The following GRM8 variants were observed in gnomAD, a reference collection of about 807,000 sequenced individuals.
GRM8 encodes glutamate metabotropic receptor 8.
A neutral mutation model predicts 87.2 loss-of-function variants in GRM8; 47 were observed. That is an observed-to-expected ratio of 0.54 (90% CI 0.43 to 0.69). GRM8 has a LOEUF of 0.69. GRM8 is among the 30% of genes least tolerant of loss of function. The probability of loss-of-function intolerance (pLI) is 0.00; values close to 1 mark genes in which losing one functional copy is unlikely to be tolerated. For missense variants in GRM8, 1,019 were observed against 1,139.2 expected, an observed-to-expected ratio of 0.89 and a Z score of 1.52; for synonymous variants, 396 against 404.5, an observed-to-expected ratio of 0.98 and a Z score of 0.25.
intron 3 of GRM8, among the ~76,000 whole-genome samples, 173 bp from the exon 4 acceptor site, chr7:126,904,856 A>G (rs1802519300): frequency 6.6e-6 from 1 of 152,218 alleles, no homozygotes; most frequent in African/African-American, 2.4e-5. Context: ...ATATTCACCA[A>G]ATAAATGACA....
intron 3 of GRM8, among the ~76,000 whole-genome samples, chr7:126,961,757 A>G (rs1225899082): frequency 6.6e-6 from 1 of 152,204 alleles, no homozygotes; most frequent in Non-Finnish European, 1.5e-5. Context: ...TCGTGGGAGG[A>G]GAGAGAGAAG....
At chr7:126,775,850 T>A (rs1365154887) in intron 6 of GRM8, among the ~76,000 whole-genome samples, 1 of 152,038 alleles carries the variant, frequency 6.6e-6, no homozygotes, top group Non-Finnish European at 1.5e-5. Flanking sequence ...CTTAGGGACC[T>A]CTGTAATGGG....
chr7:127,235,365 G>A (rs187885590), intron 2 of GRM8, among the ~76,000 whole-genome samples: 243 of 152,318 alleles, frequency 1.6e-3, no homozygotes, highest in Middle Eastern at 6.8e-3. Context: ...ATGTTTCGAA[G>A]AGACATGACT....
chr7:126,953,789 A>G lies in GRM8; in HGVS notation c.728-49106T>C, dbSNP rs534499840. Among the ~76,000 whole-genome samples, 50 of 152,288 alleles carry G rather than the reference A, an allele frequency of 3.3e-4. 1 individual carries two copies. In the South Asian group the frequency reaches 0.01, roughly 32 times the overall value. ...TAATTAATACCTCTCTCTTCTTTGA[A>G]GAAAATGACCCAATATTGAACTCCA... On this transcript the variant is annotated intron_variant, in intron 3 of 10. Transcript: ENST00000339582.
intron 7 of GRM8, among the ~76,000 whole-genome samples, chr7:126,652,319 G>T (rs1803992696): frequency 2.0e-5 from 3 of 152,150 alleles, no homozygotes; most frequent in Admixed American, 1.3e-4. Context: ...TGAAGATAAT[G>T]TGTGATCTCA....
chr7:127,217,556 C>T (rs1022367458), intron 2 of GRM8, among the ~76,000 whole-genome samples: 12 of 152,202 alleles, frequency 7.9e-5, no homozygotes, highest in African/African-American at 2.9e-4. Flanking sequence ...AGTCCTGTTT[C>T]AGACTTTCCC....
chr7:126,785,917 T>C (rs1430163615), intron 6 of GRM8, among the ~76,000 whole-genome samples: 1 of 152,150 alleles, frequency 6.6e-6, no homozygotes, highest in African/African-American at 2.4e-5. Context: ...CAATCTTATA[T>C]GATATATAAC....
chr7:127,033,009 CTT>C (rs5887323), intron 3 of GRM8, among the ~76,000 whole-genome samples: 2 of 139,950 alleles, frequency 1.4e-5, no homozygotes, highest in Non-Finnish European at 3.1e-5. Context: ...CTTTCGTTTC[CTT>C]TTTTTTTTTT....
intron 8 of GRM8, among the ~76,000 whole-genome samples, chr7:126,539,905 A>C (rs187279190): frequency 1.1e-3 from 162 of 152,190 alleles, no homozygotes; most frequent in African/African-American, 3.5e-3. Context: ...TTTTTTAGAC[A>C]TGACACCAAA....
chr7:126,523,188 A>G (rs1436635817), intron 9 of GRM8, among the ~76,000 whole-genome samples: 5 of 152,244 alleles, frequency 3.3e-5, no homozygotes, highest in Admixed American at 3.3e-4. Flanking sequence ...AATTTATTAT[A>G]TATCAAAAGC....
intron 2 of GRM8, among the ~76,000 whole-genome samples, chr7:127,165,225 A>G (rs113478519): frequency 0.02 from 2,769 of 140,422 alleles, 106 homozygotes; most frequent in African/African-American, 0.068. Context: ...ATGCTATGGC[A>G]AAACTAAAAT....
At chr7:126,983,653 G>A (rs1055215933) in intron 3 of GRM8, among the ~76,000 whole-genome samples, 16 of 152,134 alleles carry the variant, frequency 1.1e-4, no homozygotes, top group Admixed American at 9.2e-4. Context: ...ACTCCACAAC[G>A]GAGGTAAGGA....
chr7:126,533,425 C>G lies in GRM8; in HGVS notation c.1957G>C (p.Val653Leu). ...PDTIICSFRR[V>L]FLGLGMCFSY... is the part of the protein sequence containing the mutation. ...AAACACATGCCAAGTCCTAGGAAGA[C>G]CCGTCGGAAGGAGCATATGATTGTA... The change falls in exon 9 of 11, where the codon GTC (valine) becomes CTC (leucine). Residue 653 changes from valine to leucine, a missense_variant. Coordinates refer to ENST00000339582, the MANE Select transcript of GRM8 (RefSeq NM_000845.3). 6.2e-7 allele frequency: 1 copy of G among 1,613,938 alleles called. No individual in the cohort carries two copies.
At chr7:126,487,739 C>T (rs1053723639) in intron 9 of GRM8, among the ~76,000 whole-genome samples, 12 of 151,954 alleles carry the variant, frequency 7.9e-5, no homozygotes, top group African/African-American at 2.7e-4. Context: ...TTGTTAATAT[C>T]GTCACCAATC....
In GRM8 at chr7:126,931,100, G is replaced by C. The variant is rs543428491; in HGVS notation, c.728-26417C>G. 7.2e-5 allele frequency among the ~76,000 whole-genome samples: 11 copies of C among 152,230 alleles called. No homozygotes were observed. In the South Asian group the frequency reaches 2.1e-3, roughly 29 times the overall value. On this transcript the variant is annotated intron_variant, in intron 3 of 10. Coordinates refer to ENST00000339582, the MANE Select transcript of GRM8 (RefSeq NM_000845.3). ...TGGAGGTAAAATTTAGAATATCCAA[G>C]GGAAAAATGCGTTAGTTAAAATAGA...
At chr7:127,146,759 C>G (rs1828575810) in intron 2 of GRM8, among the ~76,000 whole-genome samples, 1 of 152,004 alleles carries the variant, frequency 6.6e-6, no homozygotes, top group Non-Finnish European at 1.5e-5. Flanking sequence ...CCTCTGTTTA[C>G]CTCCACTTAC....
chr7:126,836,029 T>C (rs1795801961), intron 6 of GRM8, among the ~76,000 whole-genome samples: 1 of 152,194 alleles, frequency 6.6e-6, no homozygotes, highest in African/African-American at 2.4e-5. Context: ...ATTCCTTCTT[T>C]GGTCAGTTCA....
intron 8 of GRM8, among the ~76,000 whole-genome samples, chr7:126,572,667 G>A (rs1347087969): frequency 6.6e-6 from 1 of 152,136 alleles, no homozygotes; most frequent in Non-Finnish European, 1.5e-5. Context: ...TCCTTCCTTT[G>A]CACCTATCCT....
intron 3 of GRM8, among the ~76,000 whole-genome samples, chr7:126,959,750 C>T (rs1809114409): frequency 6.6e-6 from 1 of 152,116 alleles, no homozygotes; most frequent in Non-Finnish European, 1.5e-5. Context: ...AAGCAGTAGG[C>T]TCAGATATCT....
Sources: gnomAD v4.1 joint callset for allele counts (sites outside exome capture counted in the v4.1 genomes callset) on GRCh38, gnomAD v4.1.1 for gene constraint, MANE v1.5 for transcripts, NCBI Gene and HGNC (gene_info 2026-07-23, HGNC 2026-07-21) for gene names.